Variants in ITGA9 observed in about 807,000 individuals in gnomAD.
ITGA9 encodes integrin subunit alpha 9.
In ITGA9, 56 loss-of-function variants were observed where a neutral mutation model predicts 127.8. The observed-to-expected ratio is 0.44, with a 90% CI of 0.35 to 0.55. The LOEUF is 0.55. ITGA9 is among the 20% of genes least tolerant of loss of function. The pLI is 0.00. For synonymous variants in ITGA9, 508 were observed against 514.5 expected, an observed-to-expected ratio of 0.99 and a Z score of 0.17; for missense variants, 1,196 against 1,347.1, an observed-to-expected ratio of 0.89 and a Z score of 1.76.
chr3:37,765,536 CAGGATT>C (rs576571836), intron 23 of ITGA9, among the ~76,000 whole-genome samples: 323 of 152,216 alleles, frequency 2.1e-3, no homozygotes, highest in African/African-American at 7.0e-3. Context: ...TGAAATGGGT[CAGGATT>C]AGGTTTGCCT....
chr3:37,719,109 CAG>C (rs1381911388), intron 18 of ITGA9, among the ~76,000 whole-genome samples: 7 of 152,158 alleles, frequency 4.6e-5, no homozygotes, highest in African/African-American at 1.2e-4. Flanking sequence ...CAGAACATAT[CAG>C]GGGAGAGAGG....
chr3:37,732,807 C>T lies in ITGA9; in HGVS notation c.2154+9C>T, dbSNP rs755131173. 2.5e-6 allele frequency: 4 copies of T among 1,598,406 alleles called. No individual in the cohort carries two copies. Among genetic ancestry groups the T allele is most frequent in the Non-Finnish European group, 3.4e-6 (4 of 1,170,308 alleles). ...TGAGGTCAAAGTCAAAGGTAAGGGA[C>T]ACAGACGGGACCCTTCCTCAGCAGC... is the stretch of plus-strand genomic sequence containing the variant. On this transcript the variant is annotated intron_variant, in intron 19 of 27. Transcript: ENST00000264741.
At position 37,806,151 on chromosome 3, in the gene ITGA9, T is replaced by TCTCCAA. The variant is rs1697293343; in HGVS notation, c.3009+2220_3009+2225dup. 6.6e-6 allele frequency: 1 copy of TCTCCAA among 152,212 alleles called. No individual in the cohort carries two copies. Among genetic ancestry groups the TCTCCAA allele is most frequent in the East Asian group, 1.9e-4 (1 of 5,196 alleles). The allele number at this position is 152,212 out of a possible 1,614,324, so 9.4% of individuals were successfully genotyped here. Reference sequence around the variant, plus strand: ...CAGATAGATTCTTAATTCTCCTTTTTCTCCAACTCCAACTCCTTCCTGCTG... The same window carrying TCTCCAA: ...CAGATAGATTCTTAATTCTCCTTTTTCTCCAACTCCAACTCCAACTCCTTCCTGCTG... On this transcript the variant is annotated intron_variant, in intron 27 of 27. Coordinates refer to ENST00000264741, the MANE Select transcript of ITGA9 (RefSeq NM_002207.3). The surrounding 1 kb of genome is among the most constrained non-coding windows in gnomAD (Gnocchi z 4.3).
intron 5 of ITGA9, among the ~76,000 whole-genome samples, chr3:37,502,599 C>T (rs1559521766): frequency 6.6e-6 from 1 of 152,164 alleles, no homozygotes; most frequent in Non-Finnish European, 1.5e-5. Context: ...GTTGACCTTG[C>T]TGGTCTCTTG....
intron 1 of ITGA9, among the ~76,000 whole-genome samples, chr3:37,468,183 C>A (rs1477932858): frequency 1.3e-5 from 2 of 151,978 alleles, no homozygotes; most frequent in Non-Finnish European, 2.9e-5. Context: ...GGAGGTGCAT[C>A]CCAGGGCATT....
At chr3:37,727,351 CAGACA>C (rs1696224255) in intron 18 of ITGA9, among the ~76,000 whole-genome samples, 1 of 152,098 alleles carries the variant, frequency 6.6e-6, no homozygotes, top group Admixed American at 6.5e-5. Context: ...ACGTCTTTGC[CAGACA>C]AGGAAAAGTG....
intron 15 of ITGA9, among the ~76,000 whole-genome samples, chr3:37,606,258 C>A (rs1699967845): frequency 6.6e-6 from 1 of 151,988 alleles, no homozygotes; most frequent in Non-Finnish European, 1.5e-5. Context: ...GTTTTGCTGC[C>A]CTGTCATCCA....
chr3:37,580,066 A>T (rs897891062), intron 15 of ITGA9, among the ~76,000 whole-genome samples: 9 of 152,382 alleles, frequency 5.9e-5, no homozygotes, highest in Admixed American at 1.3e-4. Context: ...TATGAAGTAC[A>T]TACCAAGTAC....
intron 17 of ITGA9, among the ~76,000 whole-genome samples, chr3:37,664,444 G>A (rs1273591909): frequency 2.1e-5 from 2 of 96,306 alleles, no homozygotes; most frequent in East Asian, 3.2e-4. Context: ...TTTTTTTTTA[G>A]ACGGAGTTTC....
At chr3:37,647,728 T>G (rs1700392689) in intron 16 of ITGA9, among the ~76,000 whole-genome samples, 1 of 152,154 alleles carries the variant, frequency 6.6e-6, no homozygotes, top group South Asian at 2.1e-4. Flanking sequence ...TCATACAATA[T>G]TTTTCTTTCT....
intron 15 of ITGA9, among the ~76,000 whole-genome samples, chr3:37,558,967 C>T (rs1415050270): frequency 6.6e-6 from 1 of 152,126 alleles, no homozygotes; most frequent in Non-Finnish European, 1.5e-5. Context: ...GCTGTCTTAG[C>T]ACCTTCTTTC....
intron 25 of ITGA9, among the ~76,000 whole-genome samples, chr3:37,782,363 T>G (rs766926838): frequency 3.4e-4 from 52 of 152,204 alleles, no homozygotes; most frequent in Non-Finnish European, 6.3e-4. Flanking sequence ...AGCCTGGTTC[T>G]TCTGCTTTTC....
At chr3:37,613,199 T>G (rs1281030390) in intron 15 of ITGA9, among the ~76,000 whole-genome samples, 2 of 150,422 alleles carry the variant, frequency 1.3e-5, no homozygotes, top group Non-Finnish European at 2.9e-5. Context: ...CACATATGAG[T>G]GAGAACATGC....
intron 6 of ITGA9, 66 bp downstream of exon 6, chr3:37,503,373 A>G: frequency 1.3e-6 from 2 of 1,568,960 alleles, no homozygotes; most frequent in Non-Finnish European, 1.7e-6. Context: ...AGATTCACAA[A>G]TTATTGCTTC....
Position 37,517,428 on chromosome 3 carries a change from TTTTTTATTGA to T in ITGA9, c.1036-66_1036-57del. The T allele has an allele frequency of 8.4e-6, 10 of 1,194,782 alleles. No individual in the cohort carries two copies. In the South Asian group the frequency reaches 1.2e-4, roughly 14 times the overall value. The allele number at this position is 1,194,782 out of a possible 1,614,324, so 74.0% of individuals were successfully genotyped here. ...TAGCAGGGCAGCATTCAAACTCTGGTTTTTTATTGATTTTTATTGTTTGTTCTGTTTGTTT... is the reference window on the plus strand; with the variant it reads ...TAGCAGGGCAGCATTCAAACTCTGGTTTTTTATTGTTTGTTCTGTTTGTTT... On this transcript the variant is annotated intron_variant, in intron 9 of 27. Coordinates refer to ENST00000264741, the MANE Select transcript of ITGA9 (RefSeq NM_002207.3).
At chr3:37,460,751 G>A (rs111560716) in intron 1 of ITGA9, among the ~76,000 whole-genome samples, 36 of 151,890 alleles carry the variant, frequency 2.4e-4, no homozygotes, top group South Asian at 1.7e-3. Flanking sequence ...CACCACACCC[G>A]GCTAATTTTT....
intron 26 of ITGA9, among the ~76,000 whole-genome samples, chr3:37,801,956 CTTA>C (rs1697240339): frequency 6.6e-6 from 1 of 152,134 alleles, no homozygotes; most frequent in African/African-American, 2.4e-5. Flanking sequence ...ATTTTCTTTC[CTTA>C]TCACCAGGGA....
chr3:37,653,909 G>A (rs1314290155), intron 17 of ITGA9, 119 bp downstream of exon 17: 2 of 731,456 alleles, frequency 2.7e-6, no homozygotes, highest in Non-Finnish European at 5.0e-6. Context: ...ATGGGTTACA[G>A]TAATATTCTG....
At chr3:37,570,998 A>G (rs1019086402) in intron 15 of ITGA9, among the ~76,000 whole-genome samples, 43 of 152,266 alleles carry the variant, frequency 2.8e-4, no homozygotes, top group African/African-American at 1.0e-3. Flanking sequence ...CCATCAGGCC[A>G]GAAACATATG....
Sources: allele counts gnomAD v4.1 joint callset (sites outside exome capture counted in the v4.1 genomes callset), GRCh38; gene constraint gnomAD v4.1.1; non-coding constraint Gnocchi (gnomAD v3.1); transcripts MANE v1.5; gene names NCBI Gene and HGNC (gene_info 2026-07-23, HGNC 2026-07-21).